Variants in SULF1 observed in about 807,000 individuals in gnomAD.
The protein encoded by SULF1 is sulfatase 1.
A neutral mutation model predicts 110.5 loss-of-function variants in SULF1; 46 were observed. The observed-to-expected ratio is 0.42, with a 90% CI of 0.33 to 0.53. SULF1 has a LOEUF of 0.53. SULF1 is among the 20% of genes least tolerant of loss of function. The probability of loss-of-function intolerance (pLI) is 0.12; values close to 1 mark genes in which losing one functional copy is unlikely to be tolerated. For missense variants in SULF1, 941 were observed against 1,094.2 expected (o/e 0.86, Z 1.98); for synonymous variants, 371 against 387.1 (o/e 0.96, Z 0.49).
In SULF1 at chr8:69,507,317, G is replaced by T. The variant is rs75922616; in HGVS notation, c.-134+5349G>T. On this transcript the variant is annotated intron_variant, in intron 3 of 22. Transcript: ENST00000402687. ...AAGTCACTTCCCAAGAAGAAATACTGCCTTGTATCGTGCTAGAGAATTTGT... is the reference window on the plus strand; with the variant it reads ...AAGTCACTTCCCAAGAAGAAATACTTCCTTGTATCGTGCTAGAGAATTTGT... Among the ~76,000 whole-genome samples the T allele has an allele frequency of 6.5e-3, 987 of 152,294 alleles. 16 individuals are homozygous for T. Among genetic ancestry groups the T allele is most frequent in the African/African-American group, 0.023 (942 of 41,564 alleles).
intron 3 of SULF1, among the ~76,000 whole-genome samples, chr8:69,524,774 G>C (rs1248779991): frequency 2.0e-5 from 3 of 152,140 alleles, no homozygotes; most frequent in Non-Finnish European, 4.4e-5. Context: ...CCATCAGAAA[G>C]TATCAAGGGG....
chr8:69,520,521 A>C (rs1334258200), intron 3 of SULF1, among the ~76,000 whole-genome samples: 2 of 152,228 alleles, frequency 1.3e-5, no homozygotes, highest in East Asian at 3.8e-4. Context: ...GGTGCATATG[A>C]AGAGAAATTT....
chr8:69,650,977 C>T (rs1309398072), intron 22 of SULF1, among the ~76,000 whole-genome samples: 1 of 151,682 alleles, frequency 6.6e-6, no homozygotes, highest in African/African-American at 2.4e-5. Flanking sequence ...GCTGAGGTGT[C>T]TTGGCATATA....
intron 3 of SULF1, among the ~76,000 whole-genome samples, chr8:69,520,112 TACACACACACAC>T (rs34036903): frequency 1.1e-3 from 150 of 137,134 alleles, no homozygotes; most frequent in African/African-American, 2.8e-3. Flanking sequence ...AAATTCCAGT[TACACACACACAC>T]ACACACACAC....
chr8:69,490,031 G>A (rs750932498), upstream of SULF1, among the ~76,000 whole-genome samples: 18 of 151,828 alleles, frequency 1.2e-4, no homozygotes, highest in Non-Finnish European at 8.8e-5. Context: ...GTTAATGCTG[G>A]GCCTGTCATC....
Position 69,621,122 on chromosome 8 carries a change from A to T in SULF1, c.1465A>T (p.Thr489Ser). The change falls in exon 14 of 23, where the codon ACG (threonine) becomes TCG (serine). Residue 489 changes from threonine (T) to serine (S), a missense_variant. Thr to Ser is a moderately conservative substitution (Grantham distance 58). Around this residue, in one of 3 missense-constraint regions of SULF1, gnomAD observed 822 missense variants for 934.3 expected, o/e 0.88. Coordinates refer to ENST00000402687, the MANE Select transcript of SULF1 (RefSeq NM_001128205.2). ...PSDLLTVRQS[T>S]RNLYARGFHD... ...TGACCTGCTCACAGTCCGGCAGAGC[A>T]CGCGGAACCTCTACGCTCGCGGCTT... 6.2e-7 allele frequency: 1 copy of T among 1,614,182 alleles called. No individual in the cohort carries two copies. The highest frequency in any genetic ancestry group is 2.2e-5 in the East Asian group (1 of 44,886).
intron 3 of SULF1, among the ~76,000 whole-genome samples, chr8:69,528,075 G>A (rs1354503629): frequency 6.6e-6 from 1 of 152,178 alleles, no homozygotes; most frequent in Non-Finnish European, 1.5e-5. Context: ...CAACTGCACA[G>A]TCTCTATCTT....
chr8:69,595,892 T>C (rs1807275917), intron 8 of SULF1, among the ~76,000 whole-genome samples: 1 of 152,240 alleles, frequency 6.6e-6, no homozygotes. Flanking sequence ...TGAAACTCTT[T>C]CTTTGCTAGT....
chr8:69,620,465 T>C (rs1043064731), intron 13 of SULF1, among the ~76,000 whole-genome samples: 4 of 152,224 alleles, frequency 2.6e-5, no homozygotes. Context: ...TATCACAATG[T>C]TCTTAGAAGG....
chr8:69,485,727 C>T (rs1347470436), intron 1 of SULF1, among the ~76,000 whole-genome samples: 2 of 152,216 alleles, frequency 1.3e-5, no homozygotes, highest in Non-Finnish European at 2.9e-5. Context: ...TGCTCCTGTG[C>T]GTTCCCACAC....
chr8:69,582,468 A>T (rs1471193181), intron 6 of SULF1, among the ~76,000 whole-genome samples: 1 of 152,170 alleles, frequency 6.6e-6, no homozygotes, highest in Non-Finnish European at 1.5e-5. Flanking sequence ...CACTGTTTTC[A>T]GCGCTTTACA....
At chr8:69,641,533 C>A (rs1473974589) in intron 22 of SULF1, among the ~76,000 whole-genome samples, 1 of 151,906 alleles carries the variant, frequency 6.6e-6, no homozygotes, top group Non-Finnish European at 1.5e-5. Context: ...TTGCTTGAGT[C>A]CAGGAGTTTG....
At chr8:69,525,527 A>T (rs1159378165) in intron 3 of SULF1, among the ~76,000 whole-genome samples, 1 of 152,180 alleles carries the variant, frequency 6.6e-6, no homozygotes, top group Non-Finnish European at 1.5e-5. Flanking sequence ...GAGAAAGAAT[A>T]TTCAAAAGGA....
chr8:69,583,359 G>A (rs1806212482), intron 6 of SULF1, among the ~76,000 whole-genome samples: 1 of 151,068 alleles, frequency 6.6e-6, no homozygotes, highest in African/African-American at 2.4e-5. Flanking sequence ...CCTGAGGTCA[G>A]GAGTTCGAGA....
chr8:69,520,230 T>C (rs545015989), intron 3 of SULF1, among the ~76,000 whole-genome samples: 13 of 152,002 alleles, frequency 8.6e-5, no homozygotes, highest in Admixed American at 2.0e-4. Context: ...AGTCTTTTAA[T>C]ACATAATCTC....
At position 69,660,497 on chromosome 8, in the gene SULF1, A is replaced by T. The variant is rs991123757; in HGVS notation, c.*1962A>T. 1.0e-4 allele frequency: 16 copies of T among 152,612 alleles called. No individual in the cohort carries two copies. Among genetic ancestry groups the T allele is most frequent in the African/African-American group, 3.9e-4 (16 of 41,450 alleles). 9.5% of individuals were successfully genotyped at this position (152,612 alleles called of 1,614,324 possible). Reference sequence around the variant, plus strand: ...CTCACTGAGTCATCAGTACCCTCCTATTCAGCTCCCCAAGATGATGTGTTT... The same window carrying T: ...CTCACTGAGTCATCAGTACCCTCCTTTTCAGCTCCCCAAGATGATGTGTTT... On this transcript the variant is annotated 3_prime_UTR_variant, in exon 23 of 23. Coordinates refer to ENST00000402687, the MANE Select transcript of SULF1 (RefSeq NM_001128205.2).
chr8:69,659,012 C>G lies in SULF1; in HGVS notation c.*477C>G. On this transcript the variant is annotated 3_prime_UTR_variant, in exon 23 of 23. Transcript: ENST00000402687. ...CATGAAGAGACTAATCATCTGGAAA[C>G]CGATTTCAGTGGCGATGGCATGACA... 1 of 457,324 alleles carries G rather than the reference C, an allele frequency of 2.2e-6. No individual in the cohort carries two copies. The highest frequency in any genetic ancestry group is 4.4e-6 in the Non-Finnish European group (1 of 227,208). 28.3% of individuals were successfully genotyped at this position (457,324 alleles called of 1,614,324 possible). A position where few individuals can be genotyped will look rare whatever the true frequency, so the allele number is the denominator to read the frequency against.
chr8:69,557,538 C>T (rs1415381576), intron 3 of SULF1, among the ~76,000 whole-genome samples: 1 of 152,176 alleles, frequency 6.6e-6, no homozygotes, highest in African/African-American at 2.4e-5. Flanking sequence ...ACCCTCACTT[C>T]ATCCTTCCCA....
At chr8:69,528,835 C>A (rs1232612630) in intron 3 of SULF1, among the ~76,000 whole-genome samples, 1 of 151,966 alleles carries the variant, frequency 6.6e-6, no homozygotes, top group African/African-American at 2.4e-5. Context: ...GGTAGTAGTT[C>A]CCTGTCTGTT....
Sources: allele counts gnomAD v4.1 joint callset (sites outside exome capture counted in the v4.1 genomes callset), GRCh38; gene constraint gnomAD v4.1.1; regional missense constraint gnomAD v4.1.1; transcripts MANE v1.5; gene names NCBI Gene and HGNC (gene_info 2026-07-23, HGNC 2026-07-21).